Variants in FAM135B observed in about 807,000 individuals in gnomAD.
FAM135B encodes family with sequence similarity 135 member B.
Under a neutral mutation model 127.7 loss-of-function variants are expected in FAM135B, and 43 were observed. That is an observed-to-expected ratio of 0.34 (90% CI 0.26 to 0.43). FAM135B has a LOEUF of 0.43. Among genes scored for constraint, FAM135B ranks in the 20% least tolerant of loss-of-function variants. The pLI is 1.00. For missense variants in FAM135B, 1,558 were observed against 1,725.6 expected (o/e 0.90, Z 1.72); for synonymous variants, 670 against 665.1 (o/e 1.01, Z -0.11).
chr8:138,437,402 A>C (rs1021337228), intron 1 of FAM135B: 8 of 152,032 alleles, frequency 5.3e-5, no homozygotes, highest in African/African-American at 1.7e-4. Context: ...TGTGGTAATG[A>C]GTGAGTTCTC....
At chr8:138,175,710 A>G (rs1434627133) in intron 11 of FAM135B, among the ~76,000 whole-genome samples, 1 of 96,946 alleles carries the variant, frequency 1.0e-5, no homozygotes, top group Non-Finnish European at 2.1e-5. Context: ...CTAAACATTT[A>G]TGAGATTACT....
At chr8:138,163,619 T>C (rs986317634) in intron 12 of FAM135B, among the ~76,000 whole-genome samples, 2 of 152,190 alleles carry the variant, frequency 1.3e-5, no homozygotes, top group African/African-American at 4.8e-5. Context: ...TCTCTTTGCC[T>C]GCTGCCATGT....
chr8:138,321,944 G>C (rs1827480623), intron 2 of FAM135B, among the ~76,000 whole-genome samples: 1 of 152,168 alleles, frequency 6.6e-6, no homozygotes, highest in African/African-American at 2.4e-5. Context: ...TGCTGTGACT[G>C]CCAGCAAAGG....
intron 7 of FAM135B, among the ~76,000 whole-genome samples, chr8:138,226,184 T>TGTGTGTGTGTGCGCGCGCGTGC: frequency 7.2e-6 from 1 of 139,202 alleles, no homozygotes; most frequent in Non-Finnish European, 1.5e-5. Flanking sequence ...TGTGTGTGTG[T>TGTGTGTGTGTGCGCGCGCGTGC]GCGCGCATGT....
intron 9 of FAM135B, among the ~76,000 whole-genome samples, chr8:138,191,653 G>A (rs1037617857): frequency 1.3e-5 from 2 of 152,154 alleles, no homozygotes; most frequent in African/African-American, 4.8e-5. Flanking sequence ...CTTGGGAAAT[G>A]TTTGTGAAAT....
chr8:138,154,040 A>G (rs112890783), intron 12 of FAM135B, among the ~76,000 whole-genome samples: 17,014 of 152,218 alleles, frequency 0.11, 1,072 homozygotes, highest in East Asian at 0.23. Context: ...ACCTCCCAGT[A>G]GGCACTGACT....
chr8:138,196,434 T>G (rs1816632672), intron 8 of FAM135B, among the ~76,000 whole-genome samples: 2 of 152,224 alleles, frequency 1.3e-5, no homozygotes. Context: ...ACTATAACCC[T>G]GTACCTACTC....
intron 7 of FAM135B, among the ~76,000 whole-genome samples, chr8:138,209,594 C>T (rs995377258): frequency 3.3e-5 from 5 of 152,110 alleles, no homozygotes; most frequent in African/African-American, 1.2e-4. Context: ...CCAGGCATAG[C>T]ATGTTGATCA....
chr8:138,365,802 T>G (rs1044392152), intron 2 of FAM135B, among the ~76,000 whole-genome samples: 2 of 152,132 alleles, frequency 1.3e-5, no homozygotes, highest in South Asian at 4.1e-4. Context: ...AACTGGCCAG[T>G]TGCACACTGC....
At chr8:138,209,978 G>T (rs1173763522) in intron 7 of FAM135B, among the ~76,000 whole-genome samples, 2 of 152,184 alleles carry the variant, frequency 1.3e-5, no homozygotes, top group African/African-American at 4.8e-5. Context: ...AATGAGAAAA[G>T]AGATAATGAA....
At chr8:138,168,865 A>G (rs1351900496) in intron 11 of FAM135B, among the ~76,000 whole-genome samples, 1 of 152,112 alleles carries the variant, frequency 6.6e-6, no homozygotes. Flanking sequence ...TACGGAGTCT[A>G]TGAGTTTTGG....
intron 7 of FAM135B, among the ~76,000 whole-genome samples, chr8:138,210,316 T>A (rs761623639): frequency 6.6e-6 from 1 of 152,218 alleles, no homozygotes; most frequent in Non-Finnish European, 1.5e-5. Context: ...GAGTCTCTTA[T>A]TGTGAGTTCT....
intron 14 of FAM135B, among the ~76,000 whole-genome samples, chr8:138,146,879 T>C (rs988201557): frequency 3.3e-5 from 5 of 152,218 alleles, no homozygotes; most frequent in Admixed American, 2.6e-4. Flanking sequence ...TTACCTACTT[T>C]GTCATGTAAA....
chr8:138,459,684 G>C (rs1404934675), intron 1 of FAM135B: 1 of 152,170 alleles, frequency 6.6e-6, no homozygotes, highest in East Asian at 1.9e-4. Context: ...TCTGGACTGA[G>C]GTAGGGCTCA....
At chr8:138,345,833 C>A (rs1829371085) in intron 2 of FAM135B, among the ~76,000 whole-genome samples, 1 of 152,232 alleles carries the variant, frequency 6.6e-6, no homozygotes, top group African/African-American at 2.4e-5. Flanking sequence ...GCCTCAGTTT[C>A]TCCATCTGAG....
intron 3 of FAM135B, among the ~76,000 whole-genome samples, chr8:138,275,806 G>A (rs1420409357): frequency 6.6e-6 from 1 of 152,180 alleles, no homozygotes; most frequent in Non-Finnish European, 1.5e-5. Context: ...CCTAAATGAT[G>A]AGTGTGGGAG....
At chr8:138,295,585 T>G (rs1563867444) in intron 3 of FAM135B, among the ~76,000 whole-genome samples, 1 of 152,226 alleles carries the variant, frequency 6.6e-6, no homozygotes, top group East Asian at 1.9e-4. Flanking sequence ...GGGCACTTCC[T>G]GCAGGGAGTA....
At chr8:138,409,506 G>A (rs1833729575) in intron 1 of FAM135B, among the ~76,000 whole-genome samples, 1 of 152,066 alleles carries the variant, frequency 6.6e-6, no homozygotes, top group African/African-American at 2.4e-5. Flanking sequence ...AATAAAAGGT[G>A]CCAATAGACT....
intron 1 of FAM135B, among the ~76,000 whole-genome samples, chr8:138,380,630 A>G (rs1831793229): frequency 6.6e-6 from 1 of 151,892 alleles, no homozygotes; most frequent in Non-Finnish European, 1.5e-5. Context: ...TAATCACAGA[A>G]CAAATGTCCT....
Sources: gnomAD v4.1 joint callset for allele counts (sites outside exome capture counted in the v4.1 genomes callset) on GRCh38, gnomAD v4.1.1 for gene constraint, MANE v1.5 for transcripts, NCBI Gene and HGNC (gene_info 2026-07-23, HGNC 2026-07-21) for gene names.